The following FAM171B variants were observed in gnomAD, a reference collection of about 807,000 sequenced individuals.
FAM171B encodes family with sequence similarity 171 member B.
In FAM171B, 19 loss-of-function variants were observed where a neutral mutation model predicts 75.6. The observed-to-expected ratio is 0.25, with a 90% CI of 0.18 to 0.37. The LOEUF (loss-of-function observed/expected upper bound fraction) is 0.37. Among genes scored for constraint, FAM171B ranks in the 10% least tolerant of loss-of-function variants. The probability of loss-of-function intolerance (pLI) is 1.00; values close to 1 mark genes in which losing one functional copy is unlikely to be tolerated. For missense variants in FAM171B, 848 were observed against 982.4 expected (o/e 0.86, Z 1.83); for synonymous variants, 367 against 361.7 (o/e 1.01, Z -0.17).
At position 186,761,499 on chromosome 2, in the gene FAM171B, A is replaced by G; in HGVS notation, c.1157A>G (p.Gln386Arg). ...TCTAGGGACAAGTGTGGTACTCCAC[A>G]GAAAAGAGAAAGAAATATCACTAAA... ...CYCRDKCGTP[Q>R]KRERNITKLE... Residue 386 changes from glutamine (Q) to arginine (R), a missense_variant, in exon 8 of 8, where the codon CAG becomes CGG. Around this residue, in one of 3 missense-constraint regions of FAM171B, gnomAD observed 665 missense variants for 729.0 expected, o/e 0.91. Transcript: ENST00000304698. 2 of 1,579,792 alleles carry G rather than the reference A, an allele frequency of 1.3e-6. No homozygotes were observed. Among genetic ancestry groups the G allele is most frequent in the Non-Finnish European group, 1.7e-6 (2 of 1,169,298 alleles).
chr2:186,755,130 A>T (rs1044543271), intron 6 of FAM171B, among the ~76,000 whole-genome samples: 1 of 152,174 alleles, frequency 6.6e-6, no homozygotes, highest in Non-Finnish European at 1.5e-5. Context: ...ATATTCAAAC[A>T]TTGCATATTT....
At chr2:186,732,573 A>T (rs1690134134) in intron 1 of FAM171B, among the ~76,000 whole-genome samples, 1 of 152,232 alleles carries the variant, frequency 6.6e-6, no homozygotes, top group African/African-American at 2.4e-5. Flanking sequence ...AGTAAAGTGC[A>T]TGTGGAAGAG....
chr2:186,762,113 A>G lies in FAM171B; in HGVS notation c.1771A>G (p.Ile591Val), dbSNP rs750638744. The G allele has an allele frequency of 2.5e-6, 4 of 1,613,710 alleles. No homozygotes were observed. Among genetic ancestry groups the G allele is most frequent in the Non-Finnish European group, 3.4e-6 (4 of 1,179,784 alleles). ...TACGCAGACCTTGCCCAAAATGCCA[A>G]TTCATTCTCATGCACAGCCCCCAGA... ...NFTQTLPKMP[I>V]HSHAQPPDAR... The change falls in exon 8 of 8, where the codon ATT becomes GTT. Residue 591 changes from isoleucine (I) to valine (V), a missense_variant. Ile to Val is a conservative substitution (Grantham distance 29). Transcript: ENST00000304698. This position sits in a 1 kb window ranked among gnomAD's most constrained non-coding sequence, Gnocchi z 4.0.
At chr2:186,708,579 C>G (rs187771453) in intron 1 of FAM171B, among the ~76,000 whole-genome samples, 12 of 151,932 alleles carry the variant, frequency 7.9e-5, no homozygotes, top group African/African-American at 2.4e-4. Flanking sequence ...CCTGAGTTTC[C>G]CAGAAGAAAG....
intron 1 of FAM171B, among the ~76,000 whole-genome samples, chr2:186,738,257 C>T (rs1348401222): frequency 1.3e-5 from 2 of 152,182 alleles, no homozygotes; most frequent in African/African-American, 4.8e-5. Flanking sequence ...TTGTTTGTTT[C>T]TGCTGCCCGC....
rs1383370302 is a variant in FAM171B, at chr2:186,761,595, C to T, written c.1253C>T (p.Ala418Val). 2 of 1,613,322 alleles carry T rather than the reference C, an allele frequency of 1.2e-6. No individual in the cohort carries two copies. Among genetic ancestry groups the T allele is most frequent in the Non-Finnish European group, 1.7e-6 (2 of 1,179,620 alleles). ...HINHISTVKV[A>V]LKAEDKSQLF... ...AATCATATCAGTACAGTTAAAGTTG[C>T]ATTAAAAGCTGAGGACAAGTCGCAG... Residue 418 changes from alanine to valine, a missense_variant, in exon 8 of 8, where the codon GCA becomes GTA. Around this residue, in one of 3 missense-constraint regions of FAM171B, gnomAD observed 665 missense variants for 729.0 expected, o/e 0.91. Coordinates refer to ENST00000304698, the MANE Select transcript of FAM171B (RefSeq NM_177454.4).
chr2:186,761,069 G>T, intron 6 of FAM171B, 44 bp from the exon 7 acceptor site: 2 of 1,570,302 alleles, frequency 1.3e-6, no homozygotes, highest in South Asian at 2.4e-5. Context: ...TTGAGAATTT[G>T]ATCTAAAATA....
At position 186,764,345 on chromosome 2, in the gene FAM171B, A is replaced by C. The variant is rs1055816676; in HGVS notation, c.*1522A>C. On this transcript the variant is annotated 3_prime_UTR_variant, in exon 8 of 8. Coordinates refer to ENST00000304698, the MANE Select transcript of FAM171B (RefSeq NM_177454.4). ...TTTTTCCTCCAACTTCTAACGTGTC[A>C]AATAACCTTCCTACTGTTCTGTGTT... The C allele has an allele frequency of 1.3e-5, 2 of 151,982 alleles. No individual in the cohort carries two copies. The highest frequency in any genetic ancestry group is 2.9e-5 in the Non-Finnish European group (2 of 67,912). 9.4% of individuals were successfully genotyped at this position (151,982 alleles called of 1,614,324 possible).
Position 186,751,218 on chromosome 2 carries a change from C to A in FAM171B, c.809C>A (p.Ser270Tyr), listed in dbSNP as rs1690447848. 2 of 1,611,822 alleles carry A rather than the reference C, an allele frequency of 1.2e-6. No homozygotes were observed. Among genetic ancestry groups the A allele is most frequent in the Non-Finnish European group, 1.7e-6 (2 of 1,178,562 alleles). Residue 270 changes from serine (S) to tyrosine (Y), a missense_variant, in exon 5 of 8, where the codon TCT (serine) becomes TAT (tyrosine). Physicochemically the swap from Ser to Tyr is moderately radical, Grantham distance 144. This residue lies in a region of FAM171B where 665 missense variants were observed against 729.0 expected (regional missense o/e 0.91). Coordinates refer to ENST00000304698, the MANE Select transcript of FAM171B (RefSeq NM_177454.4). ...GGAAAAGAACTAAAGGTCAATGGCT[C>A]TATTCAAGTTTCTCTTCCTCTTCTA... ...SGGKELKVNG[S>Y]IQVSLPLLRL... is the part of the protein sequence containing the mutation.
intron 5 of FAM171B, among the ~76,000 whole-genome samples, chr2:186,753,006 G>A (rs765687508): frequency 1.3e-5 from 2 of 152,044 alleles, no homozygotes; most frequent in African/African-American, 2.4e-5. Context: ...GTACTAGACC[G>A]AGACAATATT....
intron 6 of FAM171B, among the ~76,000 whole-genome samples, chr2:186,760,227 G>A (rs1179036465): frequency 6.6e-6 from 1 of 151,978 alleles, no homozygotes; most frequent in Non-Finnish European, 1.5e-5. Context: ...TATCACAATG[G>A]CATTCGTATA....
At chr2:186,710,860 T>G (rs1689801091) in intron 1 of FAM171B, among the ~76,000 whole-genome samples, 1 of 152,040 alleles carries the variant, frequency 6.6e-6, no homozygotes, top group Non-Finnish European at 1.5e-5. Flanking sequence ...ATTTCATATT[T>G]GCTTTATCTC....
In FAM171B at chr2:186,762,745, A is replaced by G; in HGVS notation, c.2403A>G (p.Arg801=). 6.2e-7 allele frequency: 1 copy of G among 1,613,370 alleles called. No homozygotes were observed. Among genetic ancestry groups the G allele is most frequent in the Non-Finnish European group, 8.5e-7 (1 of 1,179,610 alleles). Residue 801 remains arginine (R), a synonymous_variant, in exon 8 of 8, where the codon AGA becomes AGG. Transcript: ENST00000304698. The surrounding 1 kb of genome is among the most constrained non-coding windows in gnomAD (Gnocchi z 4.0). ...CATCCCCCACTAAAAGAAGGGGCAG[A>G]CCACCACTAGCCAAAAGAGATAGCA... ...ANTSPTKRRG[R]PPLAKRDSKT... is the part of the protein sequence containing the mutation.
At chr2:186,732,480 G>C (rs1244580155) in intron 1 of FAM171B, among the ~76,000 whole-genome samples, 1 of 152,178 alleles carries the variant, frequency 6.6e-6, no homozygotes, top group Non-Finnish European at 1.5e-5. Context: ...GAATTCAACT[G>C]ACGGGTGTAA....
rs1234809816 is a variant in FAM171B at position 186,761,132 on chromosome 2, T to C, written c.1032T>C (p.Asp344=). The C allele has an allele frequency of 2.5e-6, 4 of 1,610,414 alleles. No individual in the cohort carries two copies. In the East Asian group the frequency reaches 8.9e-5, roughly 36 times the overall value. ...ATGTAGGTTCAGGTATAAATGAAGATTCCAAGGACATAACTGCCTACCACA... is the reference window on the plus strand; with the variant it reads ...ATGTAGGTTCAGGTATAAATGAAGACTCCAAGGACATAACTGCCTACCACA... ...PGTRGSGINE[D]SKDITAYHTV... The change falls in exon 7 of 8, where the codon GAT becomes GAC. Residue 344 remains aspartate (D), a synonymous_variant. Coordinates refer to ENST00000304698, the MANE Select transcript of FAM171B (RefSeq NM_177454.4).
chr2:186,713,260 C>A (rs1192071222), intron 1 of FAM171B, among the ~76,000 whole-genome samples: 1 of 152,176 alleles, frequency 6.6e-6, no homozygotes, highest in Non-Finnish European at 1.5e-5. Flanking sequence ...ACCAGTAAGA[C>A]TCATTCTAGG....
chr2:186,750,068 A>G (rs1559091923), intron 4 of FAM171B, among the ~76,000 whole-genome samples: 1 of 152,182 alleles, frequency 6.6e-6, no homozygotes, highest in South Asian at 2.1e-4. Flanking sequence ...GGGACTTTGT[A>G]AATATTTGTT....
intron 6 of FAM171B, 40 bp from the exon 7 acceptor site, chr2:186,761,073 T>G: frequency 1.3e-6 from 2 of 1,575,618 alleles, no homozygotes; most frequent in Non-Finnish European, 1.7e-6. Flanking sequence ...GAATTTGATC[T>G]AAAATAACAT....
At chr2:186,737,830 A>G (rs748051515) in intron 1 of FAM171B, among the ~76,000 whole-genome samples, 3 of 152,250 alleles carry the variant, frequency 2.0e-5, no homozygotes, top group East Asian at 3.8e-4. Context: ...TGTTAAATCT[A>G]TGTAACTTGA....
Sources: allele counts gnomAD v4.1 joint callset (sites outside exome capture counted in the v4.1 genomes callset), GRCh38; gene constraint gnomAD v4.1.1; regional missense constraint gnomAD v4.1.1; non-coding constraint Gnocchi (gnomAD v3.1); transcripts MANE v1.5; gene names NCBI Gene and HGNC (gene_info 2026-07-23, HGNC 2026-07-21).